The following SPAG16 variants were observed in gnomAD, a reference collection of about 807,000 sequenced individuals.
The protein encoded by SPAG16 is sperm associated antigen 16.
In SPAG16, 86 loss-of-function variants were observed where a neutral mutation model predicts 80.4. The ratio of observed to expected loss-of-function variants is 1.07; its 90% CI spans 0.90 to 1.28. The LOEUF is 1.28. SPAG16 is among the 50% of genes most tolerant of loss of function. The pLI, the probability that SPAG16 is intolerant of heterozygous loss-of-function variation, is 0.00. For missense variants in SPAG16, 870 were observed against 765.3 expected, an observed-to-expected ratio of 1.14 and a Z score of -1.61; for synonymous variants, 294 against 265.9, an observed-to-expected ratio of 1.11 and a Z score of -1.03.
intron 15 of SPAG16, among the ~76,000 whole-genome samples, chr2:214,291,338 C>A (rs1186349710): frequency 1.1e-5 from 1 of 93,626 alleles, no homozygotes; most frequent in Non-Finnish European, 1.9e-5. Context: ...CGGAGTCTTG[C>A]TCTGTCGCCC....
At chr2:213,310,227 A>T (rs1559396137) in intron 4 of SPAG16, 50 bp downstream of exon 4, 3 of 1,306,794 alleles carry the variant, frequency 2.3e-6, no homozygotes, top group Middle Eastern at 2.2e-4. Flanking sequence ...AACATTTAAC[A>T]TATACACTTT....
chr2:213,531,384 G>GTA (rs764198238), intron 10 of SPAG16, among the ~76,000 whole-genome samples: 4 of 151,718 alleles, frequency 2.6e-5, no homozygotes, highest in Non-Finnish European at 5.9e-5. Flanking sequence ...GTGTGTGTGT[G>GTA]TGTGTGTGTG....
intron 15 of SPAG16, among the ~76,000 whole-genome samples, chr2:214,297,422 G>A (rs1694214170): frequency 6.6e-6 from 1 of 151,760 alleles, no homozygotes; most frequent in South Asian, 2.1e-4. Context: ...TTTTCTTTTA[G>A]GATTTTTATA....
At chr2:214,313,741 AGT>A (rs1695488939) in intron 15 of SPAG16, among the ~76,000 whole-genome samples, 1 of 152,120 alleles carries the variant, frequency 6.6e-6, no homozygotes, top group African/African-American at 2.4e-5. Context: ...CCAAAATAAA[AGT>A]CCTGAAATGA....
intron 1 of SPAG16, among the ~76,000 whole-genome samples, chr2:213,292,533 G>C (rs13395869): frequency 0.19 from 28,632 of 149,432 alleles, 3,666 homozygotes; most frequent in Non-Finnish European, 0.29. Flanking sequence ...GCGTAGTGGC[G>C]GGCGCCTGTA....
chr2:214,134,250 G>T (rs902966769), intron 14 of SPAG16, among the ~76,000 whole-genome samples: 3 of 152,104 alleles, frequency 2.0e-5, no homozygotes, highest in African/African-American at 7.2e-5. Flanking sequence ...TAGCGCTTCT[G>T]CCTCAGGGCC....
intron 10 of SPAG16, among the ~76,000 whole-genome samples, chr2:213,682,075 A>T (rs1177139286): frequency 1.3e-5 from 2 of 152,126 alleles, no homozygotes; most frequent in Non-Finnish European, 2.9e-5. Flanking sequence ...ATCCTAATGA[A>T]ACACCAGTTT....
intron 10 of SPAG16, among the ~76,000 whole-genome samples, chr2:213,768,828 A>T (rs1199011001): frequency 6.6e-6 from 1 of 152,214 alleles, no homozygotes; most frequent in Non-Finnish European, 1.5e-5. Flanking sequence ...ATGCTGGACA[A>T]GTATGTATCA....
At chr2:213,341,792 C>G (rs908178549) in intron 6 of SPAG16, among the ~76,000 whole-genome samples, 6 of 152,090 alleles carry the variant, frequency 3.9e-5, no homozygotes, top group African/African-American at 1.2e-4. Context: ...CCTCTCAGAT[C>G]GGCCTCCCAA....
At chr2:214,108,439 T>TCACACACA (rs71037342) in intron 14 of SPAG16, among the ~76,000 whole-genome samples, 178 bp downstream of exon 14, 9,623 of 124,832 alleles carry the variant, frequency 0.077, 422 homozygotes, top group Non-Finnish European at 0.11. Flanking sequence ...ATTTTAAAAT[T>TCACACACA]CACACACACA....
chr2:214,051,891 G>A lies in SPAG16; in HGVS notation c.1527+37814G>A, dbSNP rs144369888. Among the ~76,000 whole-genome samples, 46 of 152,240 alleles carry A rather than the reference G, an allele frequency of 3.0e-4. No homozygotes were observed. In the East Asian group the frequency reaches 7.9e-3, roughly 26 times the overall value. On this transcript the variant is annotated intron_variant, in intron 13 of 15. Transcript: ENST00000331683. ...GGGTTTTTATCCTACATCATTAGACGTACTTCATAAATTTTGCCCAAGAGG... is the reference window on the plus strand; with the variant it reads ...GGGTTTTTATCCTACATCATTAGACATACTTCATAAATTTTGCCCAAGAGG...
intron 9 of SPAG16, among the ~76,000 whole-genome samples, chr2:213,429,424 A>T (rs541852991): frequency 2.0e-5 from 3 of 152,238 alleles, no homozygotes; most frequent in Admixed American, 6.5e-5. Context: ...GGCCTAGCTA[A>T]TTGCCTGGGA....
chr2:213,880,058 A>G (rs1002439544), intron 11 of SPAG16, among the ~76,000 whole-genome samples: 1 of 152,144 alleles, frequency 6.6e-6, no homozygotes, highest in Admixed American at 6.6e-5. Context: ...GAAATCTCCA[A>G]ACTGATTTCT....
chr2:213,745,223 A>T (rs971899892), intron 10 of SPAG16, among the ~76,000 whole-genome samples: 6 of 152,174 alleles, frequency 3.9e-5, no homozygotes, highest in African/African-American at 1.2e-4. Context: ...TGATACATTC[A>T]TATTTTAAAT....
At chr2:213,947,111 G>A (rs1157233540) in intron 12 of SPAG16, among the ~76,000 whole-genome samples, 2 of 151,880 alleles carry the variant, frequency 1.3e-5, no homozygotes, top group Non-Finnish European at 2.9e-5. Flanking sequence ...AGGATATCTG[G>A]AATATTTCCA....
rs751248243 is a variant in SPAG16, at chr2:213,296,095, C to G, written c.168C>G (p.Asp56Glu). ...QVTITEASED[D>E]YEYEEIPDDN... Reference sequence around the variant, plus strand: ...CCATAACTGAAGCATCTGAAGATGACTATGAATATGAAGAGGTAACATGTT... The same window carrying G: ...CCATAACTGAAGCATCTGAAGATGAGTATGAATATGAAGAGGTAACATGTT... The change falls in exon 2 of 16, where the codon GAC becomes GAG. Residue 56 changes from aspartate (D) to glutamate (E), a missense_variant. Physicochemically the swap from Asp to Glu is conservative, Grantham distance 45. Transcript: ENST00000331683. 2.5e-6 allele frequency: 4 copies of G among 1,607,478 alleles called. No individual in the cohort carries two copies.
intron 10 of SPAG16, among the ~76,000 whole-genome samples, chr2:213,608,675 T>C (rs2061346451): frequency 6.6e-6 from 1 of 152,246 alleles, no homozygotes; most frequent in African/African-American, 2.4e-5. Flanking sequence ...TTATAATCCT[T>C]TGGGTATATA....
intron 12 of SPAG16, among the ~76,000 whole-genome samples, chr2:213,955,533 A>T (rs950947287): frequency 2.0e-5 from 3 of 152,190 alleles, no homozygotes; most frequent in African/African-American, 7.2e-5. Flanking sequence ...ATTCTGTCAG[A>T]TTGATCTACA....
intron 15 of SPAG16, among the ~76,000 whole-genome samples, chr2:214,228,076 G>T (rs1181230475): frequency 6.6e-6 from 1 of 151,960 alleles, no homozygotes; most frequent in Admixed American, 6.6e-5. Context: ...CACCAAGTCT[G>T]TCACACAGTA....
Sources: allele counts gnomAD v4.1 joint callset (sites outside exome capture counted in the v4.1 genomes callset), GRCh38; gene constraint gnomAD v4.1.1; transcripts MANE v1.5; gene names NCBI Gene and HGNC (gene_info 2026-07-23, HGNC 2026-07-21).